EYS: variants seen among roughly 807,000 people sequenced by gnomAD.
The protein encoded by EYS is protein eyes shut homolog.
A neutral mutation model predicts 282.1 loss-of-function variants in EYS; 250 were observed. The ratio of observed to expected loss-of-function variants is 0.89; its 90% CI spans 0.80 to 0.98. EYS has a LOEUF of 0.98. Ranked by LOEUF, EYS falls within the 50% of genes least tolerant of loss-of-function variation. The probability of loss-of-function intolerance (pLI) is 0.00; values close to 1 mark genes in which losing one functional copy is unlikely to be tolerated. For missense variants in EYS, 4,016 were observed against 3,709.0 expected, an observed-to-expected ratio of 1.08 and a Z score of -2.15; for synonymous variants, 1,355 against 1,282.9, an observed-to-expected ratio of 1.06 and a Z score of -1.20.
At chr6:65,301,291 C>T (rs1405728758) in intron 11 of EYS, among the ~76,000 whole-genome samples, 2 of 152,274 alleles carry the variant, frequency 1.3e-5, no homozygotes, top group Admixed American at 6.5e-5. Context: ...GTCAGGAGAT[C>T]GAGACCATCC....
At chr6:65,338,305 A>T (rs6903178) in intron 10 of EYS, among the ~76,000 whole-genome samples, 1 of 151,140 alleles carries the variant, frequency 6.6e-6, no homozygotes, top group African/African-American at 2.4e-5. Context: ...TCTCAGAAAA[A>T]TTAGCAAGAG....
chr6:65,589,017 A>T (rs940677742), intron 2 of EYS, among the ~76,000 whole-genome samples: 2 of 151,986 alleles, frequency 1.3e-5, no homozygotes, highest in Non-Finnish European at 2.9e-5. Flanking sequence ...AAAAGTTTCT[A>T]CTTCCATTTC....
intron 29 of EYS, among the ~76,000 whole-genome samples, chr6:64,335,793 C>A (rs1770827924): frequency 6.6e-6 from 1 of 152,106 alleles, no homozygotes; most frequent in South Asian, 2.1e-4. Context: ...AGAAACTCTA[C>A]AACCTAGAGT....
intron 31 of EYS, among the ~76,000 whole-genome samples, chr6:64,172,965 T>A (rs1050432003): frequency 2.0e-5 from 3 of 152,134 alleles, no homozygotes; most frequent in Non-Finnish European, 4.4e-5. Flanking sequence ...CGGTCCCTGT[T>A]GTCAAAAAGT....
intron 22 of EYS, among the ~76,000 whole-genome samples, chr6:64,662,678 A>T (rs2149889516): frequency 6.6e-6 from 1 of 152,072 alleles, no homozygotes; most frequent in South Asian, 2.1e-4. Context: ...TCGCTCATAG[A>T]TTTTTTTTGT....
At chr6:65,627,599 T>C (rs1295549212) in intron 2 of EYS, among the ~76,000 whole-genome samples, 1 of 151,960 alleles carries the variant, frequency 6.6e-6, no homozygotes, top group Admixed American at 6.6e-5. Flanking sequence ...TCAGCTGGAG[T>C]TCCGGGTGGG....
chr6:64,751,539 C>G (rs532573185), intron 22 of EYS, among the ~76,000 whole-genome samples: 17 of 152,330 alleles, frequency 1.1e-4, no homozygotes, highest in South Asian at 2.1e-4. Context: ...CTTTGTCCCC[C>G]ACTCTGGGGC....
intron 8 of EYS, among the ~76,000 whole-genome samples, chr6:65,366,679 A>G (rs1202317785): frequency 6.6e-6 from 1 of 151,672 alleles, no homozygotes; most frequent in African/African-American, 2.4e-5. Context: ...CTACAGATGC[A>G]GTGGCATAAA....
intron 13 of EYS, among the ~76,000 whole-genome samples, chr6:65,043,419 G>A (rs749423438): frequency 4.2e-4 from 64 of 151,412 alleles, no homozygotes; most frequent in Middle Eastern, 3.4e-3. Flanking sequence ...ACTCTAAATG[G>A]AGTATGTTAA....
chr6:64,424,731 T>C (rs1363922936), intron 28 of EYS, among the ~76,000 whole-genome samples: 1 of 152,216 alleles, frequency 6.6e-6, no homozygotes, highest in African/African-American at 2.4e-5. Context: ...ATGCCCCAGT[T>C]ACACGCTAGG....
chr6:65,249,252 C>G (rs75373551), intron 12 of EYS, among the ~76,000 whole-genome samples: 1 of 151,818 alleles, frequency 6.6e-6, no homozygotes, highest in African/African-American at 2.4e-5. Context: ...AAAATCACAA[C>G]AATTTAAAAT....
At chr6:64,120,794 T>A (rs1773560956) in intron 31 of EYS, among the ~76,000 whole-genome samples, 1 of 152,178 alleles carries the variant, frequency 6.6e-6, no homozygotes, top group Non-Finnish European at 1.5e-5. Flanking sequence ...GCATAACAAA[T>A]TACCATAGAC....
At chr6:64,475,110 T>C (rs1260557429) in intron 26 of EYS, among the ~76,000 whole-genome samples, 1 of 152,212 alleles carries the variant, frequency 6.6e-6, no homozygotes, top group Non-Finnish European at 1.5e-5. Context: ...TTACCAAAGA[T>C]ATTTTTGTGT....
intron 12 of EYS, among the ~76,000 whole-genome samples, chr6:65,155,031 C>T (rs1764700249): frequency 6.6e-6 from 1 of 151,378 alleles, no homozygotes; most frequent in Admixed American, 6.6e-5. Context: ...GAAATGTGGA[C>T]AATGGAACAC....
intron 35 of EYS, among the ~76,000 whole-genome samples, chr6:63,936,704 T>C (rs1397393832): frequency 1.3e-5 from 2 of 152,266 alleles, no homozygotes; most frequent in African/African-American, 4.8e-5. Flanking sequence ...TCAAGGTCAG[T>C]TTCTTGATTT....
At chr6:64,813,185 T>C (rs1764646949) in intron 22 of EYS, among the ~76,000 whole-genome samples, 193 bp downstream of exon 22, 1 of 152,010 alleles carries the variant, frequency 6.6e-6, no homozygotes, top group Admixed American at 6.6e-5. Flanking sequence ...GGGAGTGATA[T>C]GAATATATGA....
chr6:64,929,079 A>G (rs560872842), intron 15 of EYS, among the ~76,000 whole-genome samples: 8 of 152,236 alleles, frequency 5.3e-5, no homozygotes, highest in South Asian at 2.1e-4. Context: ...TTTTGAAAAT[A>G]GAGTATTTAC....
chr6:65,529,196 G>A (rs1392884157), intron 2 of EYS, among the ~76,000 whole-genome samples: 1 of 152,006 alleles, frequency 6.6e-6, no homozygotes, highest in African/African-American at 2.4e-5. Context: ...AAGCAATTGT[G>A]AATGTTGCAA....
chr6:64,751,233 T>G (rs1476109605), intron 22 of EYS, among the ~76,000 whole-genome samples: 1 of 152,170 alleles, frequency 6.6e-6, no homozygotes, highest in Non-Finnish European at 1.5e-5. Flanking sequence ...CCCCTGGTTT[T>G]GGAGCTTAAG....
Sources: allele counts gnomAD v4.1 joint callset (sites outside exome capture counted in the v4.1 genomes callset), GRCh38; gene constraint gnomAD v4.1.1; transcripts MANE v1.5; gene names NCBI Gene and HGNC (gene_info 2026-07-23, HGNC 2026-07-21).